KIF16B: variants seen among roughly 807,000 people sequenced by gnomAD.
KIF16B encodes kinesin family member 16B.
Under a neutral mutation model 156.3 loss-of-function variants are expected in KIF16B, and 98 were observed. The observed-to-expected ratio is 0.63, with a 90% CI of 0.53 to 0.74. The LOEUF is 0.74. KIF16B is among the 30% of genes least tolerant of loss of function. The pLI is 0.00. For missense variants in KIF16B, 1,421 were observed against 1,606.5 expected (o/e 0.88, Z 1.97); for synonymous variants, 564 against 583.7 (o/e 0.97, Z 0.49).
intron 12 of KIF16B, among the ~76,000 whole-genome samples, chr20:16,449,234 T>C (rs2067015690): frequency 6.6e-6 from 1 of 152,144 alleles, no homozygotes; most frequent in Non-Finnish European, 1.5e-5. Context: ...AGGGGGTCTC[T>C]GAATAGGAAG....
chr20:16,361,843 G>A (rs867903121), intron 22 of KIF16B, among the ~76,000 whole-genome samples: 2 of 152,112 alleles, frequency 1.3e-5, no homozygotes, highest in East Asian at 3.9e-4. Flanking sequence ...ATAGATCTGA[G>A]CCGACCAACA....
rs190444312 is a variant in KIF16B, at chr20:16,427,204, G to T, written c.1512C>A (p.Ile504=). ...HGLDLESEHC[I]FENIGGTVTL... ...TCACTGTCCCCCCGATATTTTCAAAGATGCAATGCTCACTCTCCAAGTCAA... is the reference window on the plus strand; with the variant it reads ...TCACTGTCCCCCCGATATTTTCAAATATGCAATGCTCACTCTCCAAGTCAA... Residue 504 remains isoleucine, a synonymous_variant, in exon 15 of 26, where the codon ATC becomes ATA. Transcript: ENST00000354981. The T allele has an allele frequency of 5.2e-5, 84 of 1,612,964 alleles. No individual in the cohort carries two copies. In the African/African-American group the frequency reaches 9.5e-4, roughly 18 times the overall value.
chr20:16,362,440 AAAC>A (rs905004117), intron 22 of KIF16B, among the ~76,000 whole-genome samples: 27 of 152,224 alleles, frequency 1.8e-4, no homozygotes, highest in Non-Finnish European at 4.0e-4. Flanking sequence ...CAATCCTTGA[AAAC>A]AACAACTCAT....
At chr20:16,342,183 G>A (rs2064151470) in intron 23 of KIF16B, among the ~76,000 whole-genome samples, 1 of 152,144 alleles carries the variant, frequency 6.6e-6, no homozygotes, top group South Asian at 2.1e-4. Flanking sequence ...ACACAGCACA[G>A]GATATTAATT....
chr20:16,448,876 CAGAG>C (rs138248990), intron 12 of KIF16B, among the ~76,000 whole-genome samples: 133 of 145,368 alleles, frequency 9.1e-4, no homozygotes, highest in South Asian at 4.0e-3. Flanking sequence ...AGAAATATGA[CAGAG>C]AGAGAGAGAG....
chr20:16,338,046 CTCCT>C (rs2064072390), intron 23 of KIF16B, among the ~76,000 whole-genome samples: 1 of 152,162 alleles, frequency 6.6e-6, no homozygotes, highest in South Asian at 2.1e-4. Flanking sequence ...GTTCCTGGCT[CTCCT>C]TCCTTCTCCT....
At chr20:16,447,446 G>A (rs2066964985) in intron 12 of KIF16B, among the ~76,000 whole-genome samples, 2 of 152,050 alleles carry the variant, frequency 1.3e-5, no homozygotes, top group South Asian at 4.1e-4. Context: ...AAGAAAAGGT[G>A]TGACAGAAAC....
Position 16,367,198 on chromosome 20 carries a change from A to G in KIF16B, c.3498+3388T>C, listed in dbSNP as rs1568890624. Reference sequence around the variant, plus strand: ...CCAAAGAGCCTCATCTTGAGAATTGAAAGTAAGTTTCCAGACCTCAGGTGC... The same window carrying G: ...CCAAAGAGCCTCATCTTGAGAATTGGAAGTAAGTTTCCAGACCTCAGGTGC... On this transcript the variant is annotated intron_variant, in intron 22 of 25. Coordinates refer to ENST00000354981, the MANE Select transcript of KIF16B (RefSeq NM_024704.5). 4 of 1,611,814 alleles carry G rather than the reference A, an allele frequency of 2.5e-6. No homozygotes were observed. In the South Asian group the frequency reaches 3.3e-5, roughly 13 times the overall value.
At chr20:16,302,542 T>C (rs144049785) in intron 25 of KIF16B, among the ~76,000 whole-genome samples, 58 of 152,322 alleles carry the variant, frequency 3.8e-4, no homozygotes, top group Middle Eastern at 3.4e-3. Flanking sequence ...AGTTTGGTAG[T>C]GTCAGTCTTC....
At chr20:16,378,040 C>T (rs1171941258) in intron 19 of KIF16B, among the ~76,000 whole-genome samples, 1 of 152,156 alleles carries the variant, frequency 6.6e-6, no homozygotes, top group Non-Finnish European at 1.5e-5. Context: ...TTTTATAATG[C>T]AGAGTCCTGA....
chr20:16,308,774 C>T (rs2063576680), intron 25 of KIF16B, among the ~76,000 whole-genome samples: 4 of 152,244 alleles, frequency 2.6e-5, no homozygotes, highest in Non-Finnish European at 5.9e-5. Context: ...TTCTGGTCTA[C>T]AACACAATGG....
At chr20:16,391,983 C>T (rs140472300) in intron 17 of KIF16B, among the ~76,000 whole-genome samples, 1 of 152,176 alleles carries the variant, frequency 6.6e-6, no homozygotes, top group Non-Finnish European at 1.5e-5. Flanking sequence ...GAGTTACAGA[C>T]CACCTGAGTG....
intron 1 of KIF16B, among the ~76,000 whole-genome samples, chr20:16,528,663 T>G (rs1187957400): frequency 6.6e-6 from 1 of 152,150 alleles, no homozygotes; most frequent in East Asian, 1.9e-4. Flanking sequence ...ACACAGTGTG[T>G]TGTTAAACCC....
intron 24 of KIF16B, among the ~76,000 whole-genome samples, chr20:16,331,050 T>C (rs2063939307): frequency 6.6e-6 from 1 of 152,180 alleles, no homozygotes; most frequent in African/African-American, 2.4e-5. Context: ...GTGATTCTTG[T>C]CCTGTGTCCT....
chr20:16,353,813 T>C (rs1420273735), intron 23 of KIF16B, among the ~76,000 whole-genome samples: 2 of 152,186 alleles, frequency 1.3e-5, no homozygotes, highest in Non-Finnish European at 2.9e-5. Context: ...GGTATCCATA[T>C]GGGGTGGAAG....
At position 16,507,962 on chromosome 20, in the gene KIF16B, G is replaced by C. The variant is rs1368876823; in HGVS notation, c.695C>G (p.Thr232Ser). 1.2e-6 allele frequency: 2 copies of C among 1,614,100 alleles called. No homozygotes were observed. Among genetic ancestry groups the C allele is most frequent in the Non-Finnish European group, 1.7e-6 (2 of 1,179,990 alleles). The change falls in exon 7 of 26, where the codon ACT becomes AGT. Residue 232 changes from threonine to serine, a missense_variant. Coordinates refer to ENST00000354981, the MANE Select transcript of KIF16B (RefSeq NM_024704.5). ...TGGTCCCGCAGCAGCCCTTACCTGA[G>C]TGAACTTGATGGTGAAGATGGCATG... ...RSHAIFTIKFTQAKFDSEMPC... is the reference protein window; with the variant it reads ...RSHAIFTIKFSQAKFDSEMPC...
intron 23 of KIF16B, 144 bp downstream of exon 23, chr20:16,356,186 C>A: frequency 2.1e-6 from 2 of 962,650 alleles, no homozygotes; most frequent in South Asian, 1.5e-5. Flanking sequence ...GTTTTACAGA[C>A]TGGTTTAAAG....
intron 17 of KIF16B, among the ~76,000 whole-genome samples, chr20:16,395,097 C>G (rs1490480778): frequency 1.3e-5 from 2 of 148,828 alleles, no homozygotes; most frequent in Admixed American, 6.7e-5. Context: ...AGGGCATACC[C>G]CTGTCATCGG....
At chr20:16,488,039 G>C (rs2068174523) in intron 12 of KIF16B, among the ~76,000 whole-genome samples, 1 of 152,196 alleles carries the variant, frequency 6.6e-6, no homozygotes, top group Admixed American at 6.5e-5. Context: ...GTGAGCGCCT[G>C]CTTCTCCTCT....
Sources: gnomAD v4.1 joint callset for allele counts (sites outside exome capture counted in the v4.1 genomes callset) on GRCh38, gnomAD v4.1.1 for gene constraint, MANE v1.5 for transcripts, NCBI Gene and HGNC (gene_info 2026-07-23, HGNC 2026-07-21) for gene names.